PRH1: variants seen among roughly 807,000 people sequenced by gnomAD.
PRH1 encodes proline rich protein HaeIII subfamily 1.
PRH1 carries 7 observed loss-of-function variants against 7.9 expected under a neutral mutation model. The observed-to-expected ratio is 0.89, with a 90% CI of 0.50 to 1.67. The LOEUF (loss-of-function observed/expected upper bound fraction) is 1.67, where lower values mean the gene tolerates loss of function less well. Ranked by LOEUF, PRH1 falls within the 40% of genes most tolerant of loss-of-function variation. The probability of loss-of-function intolerance (pLI) is 0.00; values close to 1 mark genes in which losing one functional copy is unlikely to be tolerated. For synonymous variants in PRH1, 45 were observed against 80.8 expected, an observed-to-expected ratio of 0.56 and a Z score of 2.38; for missense variants, 109 against 223.6, an observed-to-expected ratio of 0.49 and a Z score of 3.27.
In PRH1 at chr12:10,884,163, A is replaced by T. The variant is rs1195048233; in HGVS notation, c.55T>A (p.Leu19Ile). 2 of 1,614,106 alleles carry T rather than the reference A, an allele frequency of 1.2e-6. No individual in the cohort carries two copies. Among genetic ancestry groups the T allele is most frequent in the South Asian group, 2.2e-5 (2 of 91,072 alleles). The change falls in exon 1 of 4, where the codon TTA (leucine) becomes ATA (isoleucine). Residue 19 changes from leucine (L) to isoleucine (I), a missense_variant. Transcript: ENST00000543626. ...CCCCAATTCATCTTACCTTCATTTA[A>T]ATCCTGAGCTGAGCTGAAGGCCAGC... is the stretch of plus-strand genomic sequence containing the variant. ...ALLAFSSAQDLNEDVSQEDVP... is the reference protein window; with the variant it reads ...ALLAFSSAQDINEDVSQEDVP...
intron 1 of PRH1, chr12:11,022,196 T>C (rs12424373): frequency 6.2e-7 from 1 of 1,614,062 alleles, no homozygotes; most frequent in South Asian, 1.1e-5. Context: ...ACAACACTCT[T>C]AATTCTCTTC....
intron 1 of PRH1, among the ~76,000 whole-genome samples, chr12:11,158,572 A>G (rs187893475): frequency 6.6e-6 from 1 of 152,284 alleles, no homozygotes; most frequent in East Asian, 1.9e-4. Flanking sequence ...AGCAGGCATT[A>G]TTATAGTAGA....
At chr12:10,962,895 G>A (rs1439462086) in intron 2 of PRH1, among the ~76,000 whole-genome samples, 2 of 151,980 alleles carry the variant, frequency 1.3e-5, no homozygotes, top group African/African-American at 2.4e-5. Context: ...TCAGCCTCCC[G>A]AGTAGCTGGG....
At chr12:11,032,788 C>A (rs1348303397) in intron 1 of PRH1, among the ~76,000 whole-genome samples, 1 of 152,172 alleles carries the variant, frequency 6.6e-6, no homozygotes, top group Non-Finnish European at 1.5e-5. Flanking sequence ...CCTGCAGTAT[C>A]CTATCACAGG....
intron 1 of PRH1, chr12:10,997,504 C>A: frequency 6.2e-7 from 1 of 1,613,952 alleles, no homozygotes; most frequent in Non-Finnish European, 8.5e-7. Context: ...CACTCTTAGC[C>A]TTCCTTTTTA....
intron 1 of PRH1, among the ~76,000 whole-genome samples, chr12:11,100,802 A>C (rs956233723): frequency 6.6e-6 from 1 of 152,182 alleles, no homozygotes; most frequent in Admixed American, 6.6e-5. Flanking sequence ...ATTATTTTTT[A>C]TACCTTAAAA....
At chr12:10,901,045 G>A (rs1591659717) in intron 2 of PRH1, among the ~76,000 whole-genome samples, 2 of 152,234 alleles carry the variant, frequency 1.3e-5, no homozygotes, top group Admixed American at 1.3e-4. Flanking sequence ...TTTGATGCAG[G>A]GAGGTCCTCT....
At chr12:10,947,382 CCTTG>C (rs1449461508) in intron 2 of PRH1, among the ~76,000 whole-genome samples, 1 of 151,938 alleles carries the variant, frequency 6.6e-6, no homozygotes, top group Non-Finnish European at 1.5e-5. Context: ...TATGTTATAT[CCTTG>C]CTTGTCTTTT....
At chr12:10,908,365 G>T in intron 2 of PRH1, 1 of 1,593,868 alleles carries the variant, frequency 6.3e-7, no homozygotes, top group Non-Finnish European at 8.5e-7. Context: ...TGGTCTGAAT[G>T]GCTTATGAAA....
intron 1 of PRH1, among the ~76,000 whole-genome samples, chr12:10,996,095 C>A (rs1007674736): frequency 3.3e-5 from 5 of 151,670 alleles, no homozygotes; most frequent in African/African-American, 9.7e-5. Flanking sequence ...GGCAGTGGAT[C>A]ACTTGAGGTC....
chr12:10,915,538 T>A (rs899156562), intron 2 of PRH1, among the ~76,000 whole-genome samples: 1 of 108,394 alleles, frequency 9.2e-6, no homozygotes, highest in Non-Finnish European at 2.2e-5. Context: ...CCAAACTAGG[T>A]CACACGTGTC....
chr12:10,995,808 G>T (rs766274528), intron 1 of PRH1, among the ~76,000 whole-genome samples: 3 of 152,004 alleles, frequency 2.0e-5, no homozygotes, highest in Non-Finnish European at 2.9e-5. Context: ...TTCTAATTGC[G>T]TATGGAAACT....
chr12:11,131,145 G>A (rs1018489843), intron 1 of PRH1, among the ~76,000 whole-genome samples: 1 of 152,232 alleles, frequency 6.6e-6, no homozygotes. Flanking sequence ...CCCTGGCCAA[G>A]GGGAAACAGA....
intron 3 of PRH1, 144 bp downstream of exon 3, chr12:10,882,073 T>C (rs1949409587): frequency 1.9e-5 from 28 of 1,470,512 alleles, no homozygotes; most frequent in Non-Finnish European, 2.5e-5. Flanking sequence ...TGATACTCTA[T>C]ACAAGAATAT....
chr12:11,033,861 A>G (rs1942329356), intron 1 of PRH1, among the ~76,000 whole-genome samples: 2 of 152,214 alleles, frequency 1.3e-5, no homozygotes, highest in South Asian at 4.1e-4. Context: ...CCAATACAAA[A>G]ATGGGAAATA....
intron 1 of PRH1, among the ~76,000 whole-genome samples, chr12:11,129,901 A>C (rs1261071443): frequency 1.3e-5 from 2 of 152,278 alleles, no homozygotes; most frequent in Non-Finnish European, 2.9e-5. Context: ...CTGTAATCCC[A>C]ACACTTTAGG....
chr12:11,165,931 T>C (rs954540148), intron 1 of PRH1, among the ~76,000 whole-genome samples: 8 of 152,242 alleles, frequency 5.3e-5, no homozygotes, highest in African/African-American at 1.9e-4. Context: ...CATTGCTTGT[T>C]AATCAGAGAA....
chr12:11,054,934 A>G (rs1344791348), intron 1 of PRH1, among the ~76,000 whole-genome samples: 1 of 148,416 alleles, frequency 6.7e-6, no homozygotes, highest in African/African-American at 2.5e-5. Flanking sequence ...CCTCACTGCA[A>G]GCTCCGCCTC....
At chr12:11,129,592 GC>G (rs1411506390) in intron 1 of PRH1, among the ~76,000 whole-genome samples, 1 of 151,796 alleles carries the variant, frequency 6.6e-6, no homozygotes, top group African/African-American at 2.4e-5. Context: ...TCGAATGAAT[GC>G]AGACTACCAT....
Sources: gnomAD v4.1 joint callset for allele counts (sites outside exome capture counted in the v4.1 genomes callset) on GRCh38, gnomAD v4.1.1 for gene constraint, MANE v1.5 for transcripts, NCBI Gene and HGNC (gene_info 2026-07-23, HGNC 2026-07-21) for gene names.